The following OLFM2 variants were observed in gnomAD, a reference collection of about 807,000 sequenced individuals.
OLFM2 encodes olfactomedin 2.
In OLFM2, 20 loss-of-function variants were observed where a neutral mutation model predicts 43.9. The observed-to-expected ratio is 0.46, with a 90% CI of 0.32 to 0.66. OLFM2 has a LOEUF of 0.66. Among genes scored for constraint, OLFM2 ranks in the 30% least tolerant of loss-of-function variants. The probability of loss-of-function intolerance (pLI) is 0.04; values close to 1 mark genes in which losing one functional copy is unlikely to be tolerated. For synonymous variants in OLFM2, 268 were observed against 278.6 expected (o/e 0.96, Z 0.38); for missense variants, 416 against 643.6 (o/e 0.65, Z 3.83).
chr19:9,864,155 T>C (rs2046383736), intron 1 of OLFM2, among the ~76,000 whole-genome samples: 1 of 152,202 alleles, frequency 6.6e-6, no homozygotes, highest in African/African-American at 2.4e-5. Flanking sequence ...GCATTCGTGA[T>C]TAATACCACC....
intron 1 of OLFM2, among the ~76,000 whole-genome samples, chr19:9,886,321 C>T (rs988040732): frequency 1.5e-4 from 23 of 151,742 alleles, no homozygotes; most frequent in African/African-American, 5.6e-4. Context: ...TTCTCCTGCC[C>T]CATCCTCCCG....
intron 1 of OLFM2, among the ~76,000 whole-genome samples, chr19:9,932,683 A>T (rs2086490192): frequency 6.6e-6 from 1 of 152,120 alleles, no homozygotes; most frequent in Non-Finnish European, 1.5e-5. Context: ...AAACTGAATT[A>T]TTCCTTCTCC....
chr19:9,859,344 T>G (rs533552407), intron 2 of OLFM2, among the ~76,000 whole-genome samples: 12 of 8,096 alleles, frequency 1.5e-3, no homozygotes, highest in Non-Finnish European at 8.1e-3. Context: ...AGATGGAGTC[T>G]TGCTCTGTCT....
chr19:9,934,880 C>T (rs561548363), intron 1 of OLFM2, among the ~76,000 whole-genome samples: 38 of 152,188 alleles, frequency 2.5e-4, no homozygotes, highest in Non-Finnish European at 5.0e-4. Flanking sequence ...GGGGTGAGCA[C>T]AAGGGTCTGA....
intron 1 of OLFM2, among the ~76,000 whole-genome samples, chr19:9,920,916 A>G (rs1337764184): frequency 1.3e-5 from 2 of 151,948 alleles, no homozygotes; most frequent in African/African-American, 4.8e-5. Flanking sequence ...TGAAAAAAAA[A>G]AAAGTTTATT....
chr19:9,881,945 A>C (rs2046543200), intron 1 of OLFM2, among the ~76,000 whole-genome samples: 1 of 152,214 alleles, frequency 6.6e-6, no homozygotes, highest in Non-Finnish European at 1.5e-5. Context: ...AGAATTAAAC[A>C]TATGGGCTGG....
intron 1 of OLFM2, among the ~76,000 whole-genome samples, chr19:9,863,578 GAAAC>G (rs1274961616): frequency 5.9e-5 from 9 of 151,878 alleles, no homozygotes; most frequent in Non-Finnish European, 1.0e-4. Context: ...GTTTTACAGA[GAAAC>G]AAAGCACCAC....
At chr19:9,855,397 C>T (rs187618346) in intron 5 of OLFM2, among the ~76,000 whole-genome samples, 11 of 151,908 alleles carry the variant, frequency 7.2e-5, no homozygotes, top group Non-Finnish European at 1.2e-4. Flanking sequence ...CATCCCACCA[C>T]ACCCGGCTAA....
intron 1 of OLFM2, among the ~76,000 whole-genome samples, chr19:9,896,962 C>T (rs764193663): frequency 6.6e-5 from 10 of 152,050 alleles, no homozygotes; most frequent in East Asian, 3.9e-4. Flanking sequence ...AAGGCTGAGA[C>T]GGGTGGATCG....
At chr19:9,911,180 G>T (rs1433472819) in intron 1 of OLFM2, among the ~76,000 whole-genome samples, 1 of 152,172 alleles carries the variant, frequency 6.6e-6, no homozygotes, top group Admixed American at 6.6e-5. Flanking sequence ...CAATAGCTCA[G>T]AGTGACAAAG....
intron 1 of OLFM2, among the ~76,000 whole-genome samples, chr19:9,902,904 C>G (rs1336371423): frequency 6.6e-6 from 1 of 150,702 alleles, no homozygotes; most frequent in East Asian, 1.9e-4. Context: ...TCTTGAACTC[C>G]TGAGCTCAAG....
intron 1 of OLFM2, among the ~76,000 whole-genome samples, chr19:9,871,249 C>T (rs2046439341): frequency 6.7e-6 from 1 of 148,506 alleles, no homozygotes; most frequent in Non-Finnish European, 1.5e-5. Flanking sequence ...CTAGCCTGGG[C>T]AACAAAGCGA....
chr19:9,900,760 G>A (rs1216424288), intron 1 of OLFM2, among the ~76,000 whole-genome samples: 2 of 151,232 alleles, frequency 1.3e-5, no homozygotes, highest in African/African-American at 4.9e-5. Flanking sequence ...GCATGGTGAT[G>A]CATGCCTGTA....
chr19:9,915,473 A>G (rs1259424119), intron 1 of OLFM2, among the ~76,000 whole-genome samples: 1 of 151,470 alleles, frequency 6.6e-6, no homozygotes, highest in Non-Finnish European at 1.5e-5. Flanking sequence ...AACTTTAAAC[A>G]GAGTGATTGG....
chr19:9,935,607 G>C (rs1199466159), intron 1 of OLFM2, among the ~76,000 whole-genome samples: 1 of 152,010 alleles, frequency 6.6e-6, no homozygotes, highest in Non-Finnish European at 1.5e-5. Context: ...TCACTCCAAG[G>C]CTCTCACACG....
chr19:9,895,605 T>C (rs780981179), intron 1 of OLFM2, among the ~76,000 whole-genome samples: 1 of 152,082 alleles, frequency 6.6e-6, no homozygotes, highest in Non-Finnish European at 1.5e-5. Context: ...ACTCTACACA[T>C]GGGAGCTTCT....
chr19:9,896,521 G>A (rs531253161), intron 1 of OLFM2, among the ~76,000 whole-genome samples: 117 of 152,194 alleles, frequency 7.7e-4, no homozygotes, highest in African/African-American at 2.6e-3. Flanking sequence ...CCCGGCCTCC[G>A]AAAGTGCTGG....
intron 1 of OLFM2, among the ~76,000 whole-genome samples, chr19:9,882,967 G>A (rs1489785902): frequency 9.2e-5 from 14 of 151,798 alleles, no homozygotes; most frequent in Admixed American, 9.2e-4. Context: ...GGGAGGCCAA[G>A]GTGGGTGGAT....
At chr19:9,889,337 CT>C (rs2035339955) in intron 1 of OLFM2, among the ~76,000 whole-genome samples, 1 of 152,092 alleles carries the variant, frequency 6.6e-6, no homozygotes. Flanking sequence ...CAGTGTCAAT[CT>C]CCCAGGCTCA....
Sources: allele counts gnomAD v4.1 joint callset (sites outside exome capture counted in the v4.1 genomes callset), GRCh38; gene constraint gnomAD v4.1.1; transcripts MANE v1.5; gene names NCBI Gene and HGNC (gene_info 2026-07-23, HGNC 2026-07-21).